Variants in GREM2 observed in about 807,000 individuals in gnomAD.
GREM2 encodes gremlin-2.
GREM2 carries 11 observed loss-of-function variants against 14.2 expected under a neutral mutation model. That is an observed-to-expected ratio of 0.78 (90% CI 0.49 to 1.28). The LOEUF is 1.28. Ranked by LOEUF, GREM2 falls within the 50% of genes most tolerant of loss-of-function variation. GREM2 has a pLI of 0.00. For synonymous variants in GREM2, 98 were observed against 97.6 expected (o/e 1.00, Z -0.02); for missense variants, 210 against 218.5 (o/e 0.96, Z 0.24).
At chr1:240,512,647 C>T (rs1427041340) in intron 1 of GREM2, among the ~76,000 whole-genome samples, 3 of 152,118 alleles carry the variant, frequency 2.0e-5, no homozygotes, top group South Asian at 2.1e-4. Flanking sequence ...AAGAAAAAAA[C>T]GATAAAAGCA....
At chr1:240,556,140 T>C (rs1678949550) in intron 1 of GREM2, among the ~76,000 whole-genome samples, 1 of 152,224 alleles carries the variant, frequency 6.6e-6, no homozygotes, top group East Asian at 1.9e-4. Flanking sequence ...CAAGTAGCTT[T>C]ATAAAGAATA....
intron 1 of GREM2, among the ~76,000 whole-genome samples, chr1:240,577,809 GT>G (rs1679401034): frequency 6.6e-6 from 1 of 152,162 alleles, no homozygotes; most frequent in Admixed American, 6.5e-5. Context: ...TAGCCTGTAG[GT>G]TTATGGAAAT....
chr1:240,584,494 C>CAAAAAAA (rs35785335), intron 1 of GREM2, among the ~76,000 whole-genome samples: 2 of 73,814 alleles, frequency 2.7e-5, no homozygotes, highest in African/African-American at 8.5e-5. Context: ...GACTCCATCT[C>CAAAAAAA]AAAAAAAAAA....
At chr1:240,529,006 CA>C (rs1678291624) in intron 1 of GREM2, among the ~76,000 whole-genome samples, 1 of 152,094 alleles carries the variant, frequency 6.6e-6, no homozygotes, top group African/African-American at 2.4e-5. Flanking sequence ...GGAACACGAT[CA>C]AAACTGTTTG....
At chr1:240,571,298 G>A (rs913467347) in intron 1 of GREM2, among the ~76,000 whole-genome samples, 3 of 152,120 alleles carry the variant, frequency 2.0e-5, no homozygotes, top group Non-Finnish European at 4.4e-5. Context: ...ACCTTGAACA[G>A]GTTTCATTAT....
Position 240,513,315 on chromosome 1 carries a change from G to A in GREM2, c.-1-19839C>T, listed in dbSNP as rs960364263. ...AAGGTGACCGGGCGCAGTGGCTCAC[G>A]CCTGTAATCCCAGCACTTTGGGAGA... On this transcript the variant is annotated intron_variant, in intron 1 of 1. Transcript: ENST00000318160. Among the ~76,000 whole-genome samples the A allele has an allele frequency of 2.0e-5, 3 of 152,246 alleles. No individual in the cohort carries two copies. The East Asian group carries it at 5.8e-4, about 29-fold the overall frequency.
At chr1:240,595,684 T>G (rs2102867147) in intron 1 of GREM2, among the ~76,000 whole-genome samples, 1 of 151,748 alleles carries the variant, frequency 6.6e-6, no homozygotes, top group Non-Finnish European at 1.5e-5. Context: ...GGCTTTGGAG[T>G]CAGGCCGAGT....
At chr1:240,565,664 T>A (rs1163157466) in intron 1 of GREM2, among the ~76,000 whole-genome samples, 1 of 151,882 alleles carries the variant, frequency 6.6e-6, no homozygotes, top group East Asian at 1.9e-4. Flanking sequence ...GGTAACATGA[T>A]GAAACCCCAT....
intron 1 of GREM2, among the ~76,000 whole-genome samples, chr1:240,544,328 T>A (rs2103329508): frequency 6.6e-6 from 1 of 152,216 alleles, no homozygotes; most frequent in South Asian, 2.1e-4. Context: ...TTTGTATTTT[T>A]AATAGACGCG....
Position 240,502,422 on chromosome 1 carries a change from T to C in GREM2, c.-1-8946A>G, listed in dbSNP as rs533439349. Among the ~76,000 whole-genome samples, 3 of 152,328 alleles carry C rather than the reference T, an allele frequency of 2.0e-5. No individual in the cohort carries two copies. In the South Asian group the frequency reaches 6.2e-4, roughly 32 times the overall value. ...TCCAGTATCTTTTCGTGATTTTTCT[T>C]TCTGTGCTCTCCTCTTAAAGGTTGG... On this transcript the variant is annotated intron_variant, in intron 1 of 1. Transcript: ENST00000318160.
chr1:240,537,328 G>A (rs1678494952), intron 1 of GREM2, among the ~76,000 whole-genome samples: 1 of 152,128 alleles, frequency 6.6e-6, no homozygotes, highest in Non-Finnish European at 1.5e-5. Flanking sequence ...AGTTAGTTGT[G>A]GAGGGAGATG....
At position 240,495,757 on chromosome 1, in the gene GREM2, T is replaced by C. The variant is rs576524595; in HGVS notation, c.-1-2281A>G. On this transcript the variant is annotated intron_variant, in intron 1 of 1. Coordinates refer to ENST00000318160, the MANE Select transcript of GREM2 (RefSeq NM_022469.4). ...AAAAATATTTACGTTAAAATATCTA[T>C]GCTAAAATTATTTCTCTGAGTCTTA... Among the ~76,000 whole-genome samples the C allele has an allele frequency of 2.6e-5, 4 of 152,234 alleles. No individual in the cohort carries two copies. The East Asian group carries it at 7.7e-4, about 29-fold the overall frequency.
In GREM2 at chr1:240,543,985, T is replaced by C. The variant is rs940025656; in HGVS notation, c.-1-50509A>G. On this transcript the variant is annotated intron_variant, in intron 1 of 1. Transcript: ENST00000318160. The surrounding 1 kb of genome is among the most constrained non-coding windows in gnomAD (Gnocchi z 6.4). ...CTCAGATCAAAAATATTAAGGAAAATTCCACAGTTATAAAAATCAAAACTT... is the reference window on the plus strand; with the variant it reads ...CTCAGATCAAAAATATTAAGGAAAACTCCACAGTTATAAAAATCAAAACTT... Among the ~76,000 whole-genome samples the C allele has an allele frequency of 6.6e-6, 1 of 152,174 alleles. No individual in the cohort carries two copies. The highest frequency in any genetic ancestry group is 6.6e-5 in the Admixed American group (1 of 15,266).
In GREM2 at chr1:240,543,175, G is replaced by A. The variant is rs1678631369; in HGVS notation, c.-1-49699C>T. Reference sequence around the variant, plus strand: ...GTGGATCACCTAAGGCTAGGGCCAGGCTTGCTTCACTGAAGACTGCTCTAC... The same window carrying A: ...GTGGATCACCTAAGGCTAGGGCCAGACTTGCTTCACTGAAGACTGCTCTAC... On this transcript the variant is annotated intron_variant, in intron 1 of 1. Coordinates refer to ENST00000318160, the MANE Select transcript of GREM2 (RefSeq NM_022469.4). The surrounding 1 kb of genome is among the most constrained non-coding windows in gnomAD (Gnocchi z 6.4). Among the ~76,000 whole-genome samples the A allele has an allele frequency of 6.6e-6, 1 of 152,312 alleles. No individual in the cohort carries two copies. Among genetic ancestry groups the A allele is most frequent in the Non-Finnish European group, 1.5e-5 (1 of 68,032 alleles).
chr1:240,517,259 C>T (rs928506933), intron 1 of GREM2, among the ~76,000 whole-genome samples: 2 of 152,196 alleles, frequency 1.3e-5, no homozygotes, highest in Admixed American at 1.3e-4. Context: ...CTTTACCTAT[C>T]GATAGTTTAA....
intron 1 of GREM2, among the ~76,000 whole-genome samples, chr1:240,497,026 A>C (rs1677437309): frequency 6.6e-6 from 1 of 152,110 alleles, no homozygotes; most frequent in South Asian, 2.1e-4. Context: ...CATCTCAAAA[A>C]AAAAAAATGT....
intron 1 of GREM2, among the ~76,000 whole-genome samples, chr1:240,527,919 G>GT (rs1245001359): frequency 6.6e-6 from 1 of 152,072 alleles, no homozygotes; most frequent in East Asian, 1.9e-4. Context: ...TTGTGTCCTG[G>GT]TTTTTTAACA....
chr1:240,562,257 G>A (rs1679054594), intron 1 of GREM2, among the ~76,000 whole-genome samples: 1 of 152,106 alleles, frequency 6.6e-6, no homozygotes. Context: ...TAAACAGATG[G>A]CCCCAGGGCT....
At chr1:240,547,301 C>G (rs113665477) in intron 1 of GREM2, among the ~76,000 whole-genome samples, 37 of 151,804 alleles carry the variant, frequency 2.4e-4, no homozygotes, top group African/African-American at 8.0e-4. Context: ...GAGATCAAGA[C>G]CATCCTGGCT....
Sources: allele counts gnomAD v4.1 joint callset (sites outside exome capture counted in the v4.1 genomes callset), GRCh38; gene constraint gnomAD v4.1.1; non-coding constraint Gnocchi (gnomAD v3.1); transcripts MANE v1.5; gene names NCBI Gene and HGNC (gene_info 2026-07-23, HGNC 2026-07-21).